The following KAZN variants were observed in gnomAD, a reference collection of about 807,000 sequenced individuals.
KAZN encodes the protein kazrin, periplakin interacting protein.
KAZN carries 40 observed loss-of-function variants against 87.4 expected under a neutral mutation model. The ratio of observed to expected loss-of-function variants is 0.46; its 90% CI spans 0.36 to 0.60. The LOEUF (loss-of-function observed/expected upper bound fraction) is 0.60. Among genes scored for constraint, KAZN ranks in the 20% least tolerant of loss-of-function variants. The probability of loss-of-function intolerance (pLI) is 0.00; values close to 1 mark genes in which losing one functional copy is unlikely to be tolerated. For synonymous variants in KAZN, 466 were observed against 458.3 expected, an observed-to-expected ratio of 1.02 and a Z score of -0.22; for missense variants, 898 against 1,073.9, an observed-to-expected ratio of 0.84 and a Z score of 2.29.
At chr1:14,874,232 T>C (rs541017712) in intron 1 of KAZN, among the ~76,000 whole-genome samples, 2 of 152,152 alleles carry the variant, frequency 1.3e-5, no homozygotes, top group East Asian at 3.9e-4. Flanking sequence ...CTCCAACATT[T>C]GGAGGTCGGA....
At chr1:14,993,513 G>A (rs1450545085) in intron 2 of KAZN, among the ~76,000 whole-genome samples, 2 of 152,038 alleles carry the variant, frequency 1.3e-5, no homozygotes, top group African/African-American at 2.4e-5. Context: ...TTCAGGTGGC[G>A]TCTGCCCCTA....
chr1:14,958,580 C>T (rs1408252557), intron 1 of KAZN, among the ~76,000 whole-genome samples: 1 of 152,170 alleles, frequency 6.6e-6, no homozygotes, highest in Non-Finnish European at 1.5e-5. Context: ...ATGCAGTGTC[C>T]GAGGCTCAGC....
chr1:14,762,697 C>T (rs531000438), intron 1 of KAZN, among the ~76,000 whole-genome samples: 1 of 151,728 alleles, frequency 6.6e-6, no homozygotes, highest in Admixed American at 6.6e-5. Flanking sequence ...TGCACTCTAG[C>T]CTGGGTGACA....
At chr1:13,945,162 T>C (rs548447090) in intron 1 of KAZN, among the ~76,000 whole-genome samples, 1 of 152,162 alleles carries the variant, frequency 6.6e-6, no homozygotes, top group African/African-American at 2.4e-5. Context: ...ATATACTATC[T>C]GGAAGATATG....
At chr1:14,237,263 C>T (rs541956457) in intron 2 of KAZN, among the ~76,000 whole-genome samples, 81 of 152,216 alleles carry the variant, frequency 5.3e-4, no homozygotes, top group Non-Finnish European at 6.2e-4. Flanking sequence ...AGAATATTCC[C>T]GAATCTCAGG....
chr1:14,606,684 T>A (rs1473639218), intron 1 of KAZN, among the ~76,000 whole-genome samples: 2 of 152,158 alleles, frequency 1.3e-5, no homozygotes. Flanking sequence ...AGAGGACTTA[T>A]TAACCTCAAA....
intron 2 of KAZN, among the ~76,000 whole-genome samples, chr1:14,442,648 C>T (rs1666766977): frequency 6.6e-6 from 1 of 152,154 alleles, no homozygotes; most frequent in African/African-American, 2.4e-5. Flanking sequence ...TGGAGGTGAG[C>T]CAGGCCTGGA....
At chr1:14,506,241 C>G (rs1670579344) in intron 2 of KAZN, among the ~76,000 whole-genome samples, 1 of 152,122 alleles carries the variant, frequency 6.6e-6, no homozygotes, top group Non-Finnish European at 1.5e-5. Context: ...CATGTTTTTT[C>G]TTCTTTACTT....
chr1:14,870,813 TTCTCATTATTACATATATGAA>T (rs1652053195), intron 1 of KAZN, among the ~76,000 whole-genome samples: 1 of 152,212 alleles, frequency 6.6e-6, no homozygotes, highest in Admixed American at 6.5e-5. Flanking sequence ...GGCCACACTG[TTCTCATTATTACATATATGAA>T]TCTTACTCCA....
chr1:14,437,627 C>T (rs947988335), intron 2 of KAZN, among the ~76,000 whole-genome samples: 2 of 152,206 alleles, frequency 1.3e-5, no homozygotes, highest in Admixed American at 6.5e-5. Context: ...CCTCTCCTCT[C>T]CCTTCCCCTG....
chr1:14,710,455 A>G lies in KAZN; in HGVS notation c.226+111232A>G, dbSNP rs547908096. ...GCACGTGGGGCCCTAAAGGCCCTCC[A>G]GCTTCTCACCAGCCTCACCTCTCCC... On this transcript the variant is annotated intron_variant, in intron 1 of 14. Coordinates refer to ENST00000376030, the MANE Select transcript of KAZN (RefSeq NM_201628.3). 6.0e-4 allele frequency among the ~76,000 whole-genome samples: 92 copies of G among 152,258 alleles called. 1 individual carries two copies. Among genetic ancestry groups the G allele is most frequent in the African/African-American group, 2.1e-3 (88 of 41,550 alleles).
intron 1 of KAZN, among the ~76,000 whole-genome samples, chr1:14,728,359 G>A (rs1207023926): frequency 2.0e-5 from 3 of 150,918 alleles, no homozygotes; most frequent in Non-Finnish European, 4.4e-5. Flanking sequence ...GAGCTTCGGC[G>A]GTAACATGAG....
chr1:14,391,891 A>G (rs1301799975), intron 2 of KAZN, among the ~76,000 whole-genome samples: 2 of 152,116 alleles, frequency 1.3e-5, no homozygotes, highest in Admixed American at 6.5e-5. Flanking sequence ...ACTCCTCACA[A>G]TGTCAACCCT....
intron 1 of KAZN, among the ~76,000 whole-genome samples, chr1:13,945,710 T>TGTGTGA (rs757118365): frequency 0.024 from 3,344 of 136,920 alleles, 50 homozygotes; most frequent in Middle Eastern, 0.045. Flanking sequence ...TGTGTGTGTG[T>TGTGTGA]GAGAGAGAGA....
rs761770809 is a variant in KAZN at position 15,112,490 on chromosome 1, G to T, written c.2112G>T (p.Thr704=). Residue 704 remains threonine, a synonymous_variant, in exon 14 of 15, where the codon ACG becomes ACT. Coordinates refer to ENST00000376030, the MANE Select transcript of KAZN (RefSeq NM_201628.3). ...GTPPGRASSV[T]RAGKEENSSG... ...CCCCTGGCAGGGCCTCCAGCGTCAC[G>T]CGGGCAGGAAAGGAGGAGAACAGCA... 2.5e-6 allele frequency: 4 copies of T among 1,605,614 alleles called. No individual in the cohort carries two copies. The Admixed American group carries it at 5.1e-5, about 20-fold the overall frequency.
At chr1:14,138,065 C>T (rs1436890522) in intron 1 of KAZN, among the ~76,000 whole-genome samples, 1 of 147,180 alleles carries the variant, frequency 6.8e-6, no homozygotes, top group Non-Finnish European at 1.5e-5. Context: ...AAAATGTTAG[C>T]ATTAAATAAA....
At chr1:14,402,051 C>A (rs1293375882) in intron 2 of KAZN, among the ~76,000 whole-genome samples, 2 of 149,128 alleles carry the variant, frequency 1.3e-5, no homozygotes, top group East Asian at 2.0e-4. Flanking sequence ...AAAAGGCAAA[C>A]AACAATTTTA....
intron 2 of KAZN, among the ~76,000 whole-genome samples, chr1:14,256,097 G>A (rs1388656796): frequency 6.6e-6 from 1 of 152,160 alleles, no homozygotes; most frequent in Non-Finnish European, 1.5e-5. Flanking sequence ...TTAGTTCCCA[G>A]AGCTGCTTTT....
intron 2 of KAZN, among the ~76,000 whole-genome samples, chr1:14,229,848 G>A (rs545686896): frequency 7.0e-4 from 107 of 152,384 alleles, no homozygotes; most frequent in Non-Finnish European, 7.8e-4. Context: ...AGATTCTCCT[G>A]GATGCAGAAG....
Sources: gnomAD v4.1 joint callset for allele counts (sites outside exome capture counted in the v4.1 genomes callset) on GRCh38, gnomAD v4.1.1 for gene constraint, MANE v1.5 for transcripts, NCBI Gene and HGNC (gene_info 2026-07-23, HGNC 2026-07-21) for gene names.